GABRG3: variants seen among roughly 807,000 people sequenced by gnomAD.
GABRG3 encodes the protein gamma-aminobutyric acid receptor subunit gamma-3.
Under a neutral mutation model 48.8 loss-of-function variants are expected in GABRG3, and 25 were observed. That is an observed-to-expected ratio of 0.51 (90% CI 0.37 to 0.72). The LOEUF is 0.72. GABRG3 is among the 30% of genes least tolerant of loss of function. GABRG3 has a pLI of 0.00. For missense variants in GABRG3, 394 were observed against 577.9 expected, an observed-to-expected ratio of 0.68 and a Z score of 3.26; for synonymous variants, 227 against 217.6, an observed-to-expected ratio of 1.04 and a Z score of -0.38.
At chr15:27,472,935 A>G (rs1449137037) in intron 5 of GABRG3, among the ~76,000 whole-genome samples, 2 of 152,168 alleles carry the variant, frequency 1.3e-5, no homozygotes, top group East Asian at 3.9e-4. Flanking sequence ...GATGGATTAT[A>G]CTCATGAATT....
At chr15:27,081,360 T>C (rs1595511649) in intron 3 of GABRG3, among the ~76,000 whole-genome samples, 1 of 152,212 alleles carries the variant, frequency 6.6e-6, no homozygotes, top group African/African-American at 2.4e-5. Flanking sequence ...TGATGAATTA[T>C]AATACATATT....
chr15:27,233,265 GAACCTTTCTAGCGAGCGTGAA>G (rs1330585449), intron 3 of GABRG3, among the ~76,000 whole-genome samples: 1 of 152,154 alleles, frequency 6.6e-6, no homozygotes. Context: ...TTATTTCGTG[GAACCTTTCTAGCGAGCGTGAA>G]AACCTTTCTA....
At chr15:27,489,504 GCTTTCC>G in intron 6 of GABRG3, among the ~76,000 whole-genome samples, 1 of 152,204 alleles carries the variant, frequency 6.6e-6, no homozygotes, top group Non-Finnish European at 1.5e-5. Flanking sequence ...TAGTGTAAAA[GCTTTCC>G]TATTTCTCCA....
chr15:27,469,375 C>G (rs1401614027), intron 5 of GABRG3, among the ~76,000 whole-genome samples: 1 of 152,170 alleles, frequency 6.6e-6, no homozygotes, highest in Non-Finnish European at 1.5e-5. Flanking sequence ...GAGTCTTGCT[C>G]TGTCGCACAG....
intron 3 of GABRG3, among the ~76,000 whole-genome samples, chr15:27,183,812 A>G (rs1215948682): frequency 6.6e-6 from 1 of 152,198 alleles, no homozygotes; most frequent in East Asian, 1.9e-4. Flanking sequence ...ATATATATTT[A>G]ATCTATGTGT....
At chr15:27,402,814 A>T (rs902820611) in intron 5 of GABRG3, among the ~76,000 whole-genome samples, 1 of 152,230 alleles carries the variant, frequency 6.6e-6, no homozygotes, top group Non-Finnish European at 1.5e-5. Context: ...ACAGGAGGAG[A>T]GCAAGAAATA....
At chr15:27,501,210 CA>C (rs1441068136) in intron 6 of GABRG3, among the ~76,000 whole-genome samples, 1 of 152,116 alleles carries the variant, frequency 6.6e-6, no homozygotes, top group East Asian at 1.9e-4. Context: ...CTTGGCCTCC[CA>C]AAGTGCTAGG....
intron 3 of GABRG3, among the ~76,000 whole-genome samples, chr15:27,191,292 T>G (rs1595576032): frequency 1.3e-5 from 2 of 152,170 alleles, no homozygotes; most frequent in East Asian, 3.9e-4. Context: ...TGACTTTCTG[T>G]CTCATTGATC....
At chr15:27,226,966 C>T (rs1334253333) in intron 3 of GABRG3, among the ~76,000 whole-genome samples, 1 of 152,090 alleles carries the variant, frequency 6.6e-6, no homozygotes, top group Non-Finnish European at 1.5e-5. Context: ...CCCCAAAGAA[C>T]ATTTTATTCT....
At chr15:27,456,591 C>T (rs1055924152) in intron 5 of GABRG3, among the ~76,000 whole-genome samples, 1 of 152,182 alleles carries the variant, frequency 6.6e-6, no homozygotes, top group African/African-American at 2.4e-5. Context: ...GTTCAGCATT[C>T]CCTCCCCTCC....
chr15:27,335,491 T>C (rs556999179), intron 5 of GABRG3, among the ~76,000 whole-genome samples: 1 of 152,332 alleles, frequency 6.6e-6, no homozygotes, highest in Admixed American at 6.5e-5. Context: ...CCCTAATGAC[T>C]AAGGATGTTT....
chr15:27,069,498 G>A (rs948840649), intron 3 of GABRG3, among the ~76,000 whole-genome samples: 2 of 152,204 alleles, frequency 1.3e-5, no homozygotes, highest in Admixed American at 6.5e-5. Context: ...AGAGACTCGC[G>A]CAGGAATCAA....
intron 5 of GABRG3, among the ~76,000 whole-genome samples, chr15:27,347,864 T>C (rs2140533314): frequency 6.6e-6 from 1 of 152,284 alleles, no homozygotes; most frequent in African/African-American, 2.4e-5. Flanking sequence ...TGTGACTCTC[T>C]ATTAACCTGC....
chr15:27,392,613 T>TTAGAAGGAA (rs914603055), intron 5 of GABRG3, among the ~76,000 whole-genome samples: 2 of 152,312 alleles, frequency 1.3e-5, no homozygotes, highest in Non-Finnish European at 2.9e-5. Context: ...TCTGCATACT[T>TTAGAAGGAA]TAGAAGGAAG....
At chr15:27,183,254 C>T (rs924140897) in intron 3 of GABRG3, among the ~76,000 whole-genome samples, 4 of 152,066 alleles carry the variant, frequency 2.6e-5, no homozygotes, top group African/African-American at 9.7e-5. Flanking sequence ...AAAAAGCTAT[C>T]TTACTCTCCC....
chr15:27,198,412 T>A (rs1334738699), intron 3 of GABRG3, among the ~76,000 whole-genome samples: 5 of 152,204 alleles, frequency 3.3e-5, no homozygotes, highest in Non-Finnish European at 7.3e-5. Flanking sequence ...TCATCACTGG[T>A]CATTAGAGAA....
In GABRG3 at chr15:27,021,270, A is replaced by G. The variant is rs547819719; in HGVS notation, c.203-5484A>G. Among the ~76,000 whole-genome samples the G allele has an allele frequency of 4.2e-4, 64 of 152,302 alleles. 1 individual carries two copies. The highest frequency in any genetic ancestry group is 1.4e-3 in the African/African-American group (58 of 41,552). On this transcript the variant is annotated intron_variant, in intron 2 of 9. Transcript: ENST00000615808. ...AGCATTTAACATGTAAAGTTAAGTA[A>G]TTATAACTTTACAACTGCAATTTTT... is the stretch of plus-strand genomic sequence containing the variant.
In GABRG3 at chr15:27,273,055, G is replaced by A. The variant is rs542358715; in HGVS notation, c.271-53754G>A. Among the ~76,000 whole-genome samples, 3 of 152,256 alleles carry A rather than the reference G, an allele frequency of 2.0e-5. No homozygotes were observed. In the East Asian group the frequency reaches 5.8e-4, roughly 29 times the overall value. On this transcript the variant is annotated intron_variant, in intron 3 of 9. Coordinates refer to ENST00000615808, the MANE Select transcript of GABRG3 (RefSeq NM_033223.5). ...AATAAAACTTTATTTACCAAAATAG[G>A]TGGTGGGCTAGATTTGGCCATAGTT...
intron 5 of GABRG3, among the ~76,000 whole-genome samples, chr15:27,381,133 C>T (rs1489213849): frequency 6.6e-6 from 1 of 152,100 alleles, no homozygotes; most frequent in African/African-American, 2.4e-5. Flanking sequence ...CCTTCATAAA[C>T]AATTCTCCAT....
Sources: allele counts gnomAD v4.1 joint callset (sites outside exome capture counted in the v4.1 genomes callset), GRCh38; gene constraint gnomAD v4.1.1; transcripts MANE v1.5; gene names NCBI Gene and HGNC (gene_info 2026-07-23, HGNC 2026-07-21).